The following ADGRF5 variants were observed in gnomAD, a reference collection of about 807,000 sequenced individuals.
ADGRF5 encodes G-protein coupled receptor 116.
A neutral mutation model predicts 132.3 loss-of-function variants in ADGRF5; 75 were observed. The ratio of observed to expected loss-of-function variants is 0.57; its 90% CI spans 0.47 to 0.69. The LOEUF is 0.69. Among genes scored for constraint, ADGRF5 ranks in the 30% least tolerant of loss-of-function variants. ADGRF5 has a pLI of 0.00. For missense variants in ADGRF5, 1,516 were observed against 1,630.6 expected (o/e 0.93, Z 1.21); for synonymous variants, 629 against 597.6 (o/e 1.05, Z -0.77).
At chr6:46,886,640 A>T (rs748888194) in intron 4 of ADGRF5, 1 of 152,192 alleles carries the variant, frequency 6.6e-6, no homozygotes, top group African/African-American at 2.4e-5. Context: ...TGCCATTACT[A>T]AAAAAGGATC....
chr6:46,913,391 C>T (rs1049583721), intron 1 of ADGRF5, among the ~76,000 whole-genome samples: 9 of 151,842 alleles, frequency 5.9e-5, no homozygotes, highest in African/African-American at 9.7e-5. Flanking sequence ...CTCAGCTACT[C>T]GGGAGGCTGA....
At chr6:46,953,359 C>T (rs150774724) in intron 1 of ADGRF5, among the ~76,000 whole-genome samples, 4 of 152,152 alleles carry the variant, frequency 2.6e-5, no homozygotes, top group Middle Eastern at 3.4e-3. Context: ...CCATGGCTCC[C>T]GCCTATAATC....
intron 14 of ADGRF5, among the ~76,000 whole-genome samples, chr6:46,864,374 A>G (rs1007925328): frequency 6.6e-6 from 1 of 152,174 alleles, no homozygotes; most frequent in Admixed American, 6.5e-5. Context: ...TCTCAGAAAA[A>G]CAGTGCAGTG....
chr6:46,922,119 T>C (rs1157947363), upstream of ADGRF5: 1 of 152,076 alleles, frequency 6.6e-6, no homozygotes, highest in Non-Finnish European at 1.5e-5. Context: ...CACTTTTCTT[T>C]CTCCAAAGAA....
chr6:46,885,865 T>C (rs1174222288), intron 4 of ADGRF5, among the ~76,000 whole-genome samples: 2 of 152,376 alleles, frequency 1.3e-5, no homozygotes, highest in Non-Finnish European at 2.9e-5. Flanking sequence ...ACTTCCACCT[T>C]CTACATCTTA....
intron 1 of ADGRF5, among the ~76,000 whole-genome samples, chr6:46,911,035 T>A (rs1270870697): frequency 6.6e-6 from 1 of 152,212 alleles, no homozygotes; most frequent in African/African-American, 2.4e-5. Context: ...ATCTCACCAC[T>A]TCTGACTTAC....
At chr6:46,916,037 CTG>C (rs1480691298) in intron 1 of ADGRF5, among the ~76,000 whole-genome samples, 2 of 152,136 alleles carry the variant, frequency 1.3e-5, no homozygotes, top group African/African-American at 4.8e-5. Flanking sequence ...AGCTGCCTCA[CTG>C]TGCGCCCTGC....
chr6:46,894,754 A>G (rs1773998712), intron 3 of ADGRF5, among the ~76,000 whole-genome samples: 1 of 152,226 alleles, frequency 6.6e-6, no homozygotes, highest in African/African-American at 2.4e-5. Flanking sequence ...ATTATTGTTA[A>G]AGAGCTGGAA....
At chr6:46,917,273 T>C (rs112969674) in intron 1 of ADGRF5, among the ~76,000 whole-genome samples, 216 of 152,350 alleles carry the variant, frequency 1.4e-3, no homozygotes, top group African/African-American at 4.9e-3. Context: ...TGTCTCTTAT[T>C]TTGTCTTCCC....
intron 1 of ADGRF5, among the ~76,000 whole-genome samples, chr6:46,927,735 C>G (rs1395325836): frequency 2.0e-5 from 3 of 152,138 alleles, no homozygotes. Context: ...TCTTTTCCAT[C>G]CACAACCCCC....
At chr6:46,893,996 A>T (rs116575140) in intron 3 of ADGRF5, among the ~76,000 whole-genome samples, 165 of 152,352 alleles carry the variant, frequency 1.1e-3, no homozygotes, top group African/African-American at 3.7e-3. Context: ...GGAAACACTA[A>T]TGGGAACTAT....
At chr6:46,902,266 G>A (rs1418917101) in intron 2 of ADGRF5, among the ~76,000 whole-genome samples, 2 of 152,208 alleles carry the variant, frequency 1.3e-5, no homozygotes, top group African/African-American at 2.4e-5. Flanking sequence ...TGGGGAGGAG[G>A]GAGTGGCCAC....
intron 1 of ADGRF5, among the ~76,000 whole-genome samples, chr6:46,953,653 A>ATATATATATATATATATAGATATATG (rs1778591893): frequency 7.0e-5 from 1 of 14,370 alleles, no homozygotes; most frequent in African/African-American, 2.1e-4. Flanking sequence ...ATATATGTGT[A>ATATATATATATATATATAGATATATG]TATATATATA....
chr6:46,925,485 A>G (rs896365987), upstream of ADGRF5, among the ~76,000 whole-genome samples: 2 of 152,216 alleles, frequency 1.3e-5, no homozygotes, highest in East Asian at 3.8e-4. Context: ...AGTCGAGTGC[A>G]GTGGCTCATG....
At chr6:46,927,812 T>C (rs944095258) in intron 1 of ADGRF5, among the ~76,000 whole-genome samples, 1 of 152,124 alleles carries the variant, frequency 6.6e-6, no homozygotes, top group Admixed American at 6.5e-5. Flanking sequence ...TAATAGGCGA[T>C]AAAGGCCTGA....
At chr6:46,907,108 A>G (rs190108021) in intron 1 of ADGRF5, among the ~76,000 whole-genome samples, 2 of 152,236 alleles carry the variant, frequency 1.3e-5, no homozygotes, top group Admixed American at 1.3e-4. Context: ...CATTTTCGCT[A>G]CATGCAATAT....
At chr6:46,926,005 C>A (rs1241183119), upstream of ADGRF5, among the ~76,000 whole-genome samples, 1 of 151,864 alleles carries the variant, frequency 6.6e-6, no homozygotes, top group Non-Finnish European at 1.5e-5. Context: ...TATATTGAGG[C>A]CAAGAAAATT....
intron 4 of ADGRF5, chr6:46,887,082 T>A (rs1221096509): frequency 6.6e-6 from 1 of 152,206 alleles, no homozygotes; most frequent in Non-Finnish European, 1.5e-5. Flanking sequence ...TGTTAGTATG[T>A]TTATATTGAA....
chr6:46,919,188 G>A (rs946594131), intron 1 of ADGRF5, among the ~76,000 whole-genome samples: 1 of 152,122 alleles, frequency 6.6e-6, no homozygotes, highest in African/African-American at 2.4e-5. Flanking sequence ...CCAGCCAATC[G>A]CATCAATTCT....
Sources: allele counts gnomAD v4.1 joint callset (sites outside exome capture counted in the v4.1 genomes callset), GRCh38; gene constraint gnomAD v4.1.1; transcripts MANE v1.5; gene names NCBI Gene and HGNC (gene_info 2026-07-23, HGNC 2026-07-21).